ERC2: variants seen among roughly 807,000 people sequenced by gnomAD.
ERC2 encodes the protein ELKS/RAB6-interacting/CAST family member 2.
ERC2 carries 42 observed loss-of-function variants against 114.8 expected under a neutral mutation model. That is an observed-to-expected ratio of 0.37 (90% CI 0.29 to 0.47). The LOEUF (loss-of-function observed/expected upper bound fraction) is 0.47. Ranked by LOEUF, ERC2 falls within the 20% of genes least tolerant of loss-of-function variation. The probability of loss-of-function intolerance (pLI) is 0.99; values close to 1 mark genes in which losing one functional copy is unlikely to be tolerated. For synonymous variants in ERC2, 454 were observed against 425.5 expected (o/e 1.07, Z -0.82); for missense variants, 939 against 1,150.7 (o/e 0.82, Z 2.66).
At chr3:56,137,234 G>A (rs2080561736) in intron 6 of ERC2, among the ~76,000 whole-genome samples, 2 of 152,300 alleles carry the variant, frequency 1.3e-5, no homozygotes, top group South Asian at 4.1e-4. Context: ...GTTTGGGTAA[G>A]CAGACTGCCT....
At chr3:56,018,768 C>T in intron 8 of ERC2, 126 bp downstream of exon 8, 1 of 1,050,432 alleles carries the variant, frequency 9.5e-7, no homozygotes, top group Non-Finnish European at 1.4e-6. Flanking sequence ...AGAACAAGGA[C>T]CAGCTGGGAC....
At chr3:55,697,909 C>G (rs748211603) in intron 16 of ERC2, among the ~76,000 whole-genome samples, 2 of 151,790 alleles carry the variant, frequency 1.3e-5, no homozygotes, top group Non-Finnish European at 2.9e-5. Context: ...AGGCAGGGAC[C>G]AGGAATGAGA....
intron 17 of ERC2, among the ~76,000 whole-genome samples, chr3:55,673,552 T>C (rs1490149085): frequency 6.6e-6 from 1 of 151,840 alleles, no homozygotes; most frequent in Non-Finnish European, 1.5e-5. Context: ...CACTGCACTC[T>C]AGCCCGGTGA....
chr3:56,205,487 C>T (rs2048670853), intron 3 of ERC2, among the ~76,000 whole-genome samples: 1 of 152,100 alleles, frequency 6.6e-6, no homozygotes, highest in Non-Finnish European at 1.5e-5. Context: ...GTAACAAGAC[C>T]CTCTGTAACT....
chr3:56,015,824 A>G (rs2073266415), intron 8 of ERC2, among the ~76,000 whole-genome samples: 1 of 152,220 alleles, frequency 6.6e-6, no homozygotes, highest in African/African-American at 2.4e-5. Flanking sequence ...ATTCCCACCA[A>G]CAATGTAAAA....
intron 17 of ERC2, 36 bp downstream of exon 17, chr3:55,683,758 T>C (rs188556038): frequency 6.4e-7 from 1 of 1,564,188 alleles, no homozygotes; most frequent in African/African-American, 1.4e-5. Flanking sequence ...AGAATGCAAT[T>C]TTTTAATAAA....
Position 56,306,202 on chromosome 3 carries a change from C to T in ERC2, c.658-9767G>A, listed in dbSNP as rs1483907487. On this transcript the variant is annotated intron_variant, in intron 2 of 17. Transcript: ENST00000288221. ...GTACAATTGCGAGTCAAGCAGCAGA[C>T]ACCATATGACCCATGAAATCTAAAA... 2.6e-5 allele frequency among the ~76,000 whole-genome samples: 4 copies of T among 152,070 alleles called. No individual in the cohort carries two copies. In the East Asian group the frequency reaches 7.7e-4, roughly 29 times the overall value.
chr3:56,220,646 C>G (rs547550928), intron 3 of ERC2, among the ~76,000 whole-genome samples: 108 of 152,364 alleles, frequency 7.1e-4, no homozygotes, highest in African/African-American at 2.5e-3. Flanking sequence ...GGCTCCACTG[C>G]AATTGTCCCT....
chr3:56,188,577 T>C (rs1032037263), intron 3 of ERC2, among the ~76,000 whole-genome samples: 16 of 152,052 alleles, frequency 1.1e-4, no homozygotes, highest in Non-Finnish European at 2.1e-4. Context: ...GTGGCAGCGG[T>C]GGTGGTGGTG....
chr3:56,039,963 C>T (rs2075031336), intron 7 of ERC2, among the ~76,000 whole-genome samples: 1 of 152,004 alleles, frequency 6.6e-6, no homozygotes, highest in Non-Finnish European at 1.5e-5. Flanking sequence ...AAAATTGGAC[C>T]CTTATCTCAC....
intron 7 of ERC2, among the ~76,000 whole-genome samples, chr3:56,076,297 G>T (rs568314904): frequency 6.6e-6 from 1 of 152,134 alleles, no homozygotes; most frequent in Non-Finnish European, 1.5e-5. Context: ...AAAAAAATTC[G>T]TGGGTAGCAA....
intron 17 of ERC2, chr3:55,658,548 G>T (rs923671152): frequency 2.6e-5 from 4 of 152,668 alleles, no homozygotes; most frequent in Admixed American, 6.5e-5. Flanking sequence ...AAACTGAAAG[G>T]AATTCCCCAG....
intron 17 of ERC2, among the ~76,000 whole-genome samples, chr3:55,637,745 G>T (rs1257379306): frequency 6.6e-6 from 1 of 151,848 alleles, no homozygotes; most frequent in Non-Finnish European, 1.5e-5. Flanking sequence ...TCTCTCTATC[G>T]AGCATCGTCA....
At chr3:55,529,181 T>C (rs1163563375) in intron 17 of ERC2, among the ~76,000 whole-genome samples, 1 of 152,200 alleles carries the variant, frequency 6.6e-6, no homozygotes, top group African/African-American at 2.4e-5. Flanking sequence ...TGGATTCTTT[T>C]TTTCTCTCCA....
intron 17 of ERC2, among the ~76,000 whole-genome samples, chr3:55,668,697 G>A (rs530627285): frequency 6.6e-6 from 1 of 152,208 alleles, no homozygotes; most frequent in Non-Finnish European, 1.5e-5. Context: ...CTGTTGAATC[G>A]CCCATGCTAA....
chr3:56,330,130 C>T (rs1170598177), intron 2 of ERC2, among the ~76,000 whole-genome samples: 2 of 152,076 alleles, frequency 1.3e-5, no homozygotes, highest in African/African-American at 4.8e-5. Flanking sequence ...ACCTCCCAGG[C>T]TCAATTGATT....
At chr3:56,002,948 G>A (rs1013023210) in intron 10 of ERC2, among the ~76,000 whole-genome samples, 1 of 151,906 alleles carries the variant, frequency 6.6e-6, no homozygotes, top group Admixed American at 6.6e-5. Context: ...AATGGCAGTG[G>A]CCTCAGCACA....
chr3:55,702,945 C>T (rs1274841314), intron 15 of ERC2, among the ~76,000 whole-genome samples: 4 of 152,202 alleles, frequency 2.6e-5, no homozygotes, highest in Non-Finnish European at 4.4e-5. Flanking sequence ...TTTTTATTTC[C>T]TTTGCGGTGT....
intron 4 of ERC2, among the ~76,000 whole-genome samples, chr3:56,151,636 C>T (rs541801909): frequency 6.6e-6 from 1 of 152,170 alleles, no homozygotes; most frequent in South Asian, 2.1e-4. Context: ...TGCATCAGTC[C>T]AAAGAATTTA....
Sources: allele counts gnomAD v4.1 joint callset (sites outside exome capture counted in the v4.1 genomes callset), GRCh38; gene constraint gnomAD v4.1.1; transcripts MANE v1.5; gene names NCBI Gene and HGNC (gene_info 2026-07-23, HGNC 2026-07-21).